NAV3: variants seen among roughly 807,000 people sequenced by gnomAD.
The protein encoded by NAV3 is neuron navigator 3.
A neutral mutation model predicts 244.7 loss-of-function variants in NAV3; 87 were observed. The ratio of observed to expected loss-of-function variants is 0.36; its 90% CI spans 0.30 to 0.42. The LOEUF (loss-of-function observed/expected upper bound fraction) is 0.42, where lower values mean the gene tolerates loss of function less well. Ranked by LOEUF, NAV3 falls within the 20% of genes least tolerant of loss-of-function variation. The pLI, the probability that NAV3 is intolerant of heterozygous loss-of-function variation, is 1.00. For missense variants in NAV3, 2,663 were observed against 2,893.3 expected, an observed-to-expected ratio of 0.92 and a Z score of 1.83; for synonymous variants, 1,126 against 1,042.2, an observed-to-expected ratio of 1.08 and a Z score of -1.55.
intron 2 of NAV3, among the ~76,000 whole-genome samples, chr12:77,633,319 C>T (rs915166835): frequency 2.0e-5 from 3 of 152,070 alleles, no homozygotes; most frequent in Non-Finnish European, 2.9e-5. Flanking sequence ...CTCTTAAACA[C>T]TTAGTGTTTT....
At chr12:78,205,654 A>G (rs927748356) in intron 39 of NAV3, among the ~76,000 whole-genome samples, 3 of 152,062 alleles carry the variant, frequency 2.0e-5, no homozygotes, top group Non-Finnish European at 2.9e-5. Flanking sequence ...TTTCTAAAAT[A>G]GTGGAATAAT....
intron 12 of NAV3, among the ~76,000 whole-genome samples, chr12:78,114,981 T>C (rs1229670146): frequency 6.6e-6 from 1 of 152,196 alleles, no homozygotes; most frequent in East Asian, 1.9e-4. Context: ...TTAATTTTCT[T>C]TATTTCTGAT....
chr12:77,855,052 A>G (rs1337228563), intron 1 of NAV3, among the ~76,000 whole-genome samples: 2 of 152,112 alleles, frequency 1.3e-5, no homozygotes, highest in Non-Finnish European at 2.9e-5. Context: ...GCCTGAACCC[A>G]GGAGGCGGAG....
At chr12:77,782,690 A>G (rs1025476428) in intron 2 of NAV3, among the ~76,000 whole-genome samples, 1 of 152,048 alleles carries the variant, frequency 6.6e-6, no homozygotes, top group Admixed American at 6.6e-5. Context: ...TCATAGCTGT[A>G]TCTTTTCCAA....
At chr12:77,691,955 A>T (rs1210757795) in intron 2 of NAV3, among the ~76,000 whole-genome samples, 1 of 151,946 alleles carries the variant, frequency 6.6e-6, no homozygotes, top group Non-Finnish European at 1.5e-5. Flanking sequence ...AAAAGGAGAG[A>T]ATATTTAAAG....
chr12:77,581,203 G>T (rs570937562), intron 2 of NAV3, among the ~76,000 whole-genome samples: 77 of 152,208 alleles, frequency 5.1e-4, no homozygotes, highest in African/African-American at 1.9e-3. Context: ...ACCAATTTTA[G>T]GACTCCATCC....
rs532401077 is a variant in NAV3, at chr12:78,157,228, A to G, written c.4786-1975A>G. 9.9e-5 allele frequency among the ~76,000 whole-genome samples: 15 copies of G among 152,022 alleles called. No individual in the cohort carries two copies. The East Asian group carries it at 2.7e-3, about 28-fold the overall frequency. On this transcript the variant is annotated intron_variant, in intron 22 of 39. Coordinates refer to ENST00000397909, the MANE Select transcript of NAV3 (RefSeq NM_001024383.2). ...CTGTTTTCATTTTGTTCACTTTTAT[A>G]TATGTGTGGATTTTTCCACAGTTGA... is the stretch of plus-strand genomic sequence containing the variant.
At position 78,122,403 on chromosome 12, in the gene NAV3, A is replaced by G; in HGVS notation, c.4213A>G (p.Ser1405Gly). ...CCAGAGCCTGCTCATGAGAACGGGT[A>G]GTGTGAGATCTACTCTCTCAGAAAG... ...EVQSLLMRTGSVRSTLSESMQ... is the reference protein window; with the variant it reads ...EVQSLLMRTGGVRSTLSESMQ... The change falls in exon 16 of 40, where the codon AGT (serine) becomes GGT (glycine). Residue 1405 changes from serine to glycine, a missense_variant. Ser to Gly is a moderately conservative substitution (Grantham distance 56). This residue lies in a region of NAV3 where 354 missense variants were observed against 413.0 expected (regional missense o/e 0.86). Coordinates refer to ENST00000397909, the MANE Select transcript of NAV3 (RefSeq NM_001024383.2). The G allele has an allele frequency of 1.2e-6, 2 of 1,608,148 alleles. No individual in the cohort carries two copies. The highest frequency in any genetic ancestry group is 1.7e-6 in the Non-Finnish European group (2 of 1,177,888).
chr12:77,723,760 T>TTTTG (rs1876748919), intron 2 of NAV3, among the ~76,000 whole-genome samples: 2 of 144,576 alleles, frequency 1.4e-5, no homozygotes, highest in Non-Finnish European at 3.1e-5. Context: ...CTTGACTTTT[T>TTTTG]TTTTTTTTTT....
At chr12:78,014,060 C>T (rs765654497) in intron 8 of NAV3, among the ~76,000 whole-genome samples, 6 of 151,872 alleles carry the variant, frequency 4.0e-5, no homozygotes, top group Non-Finnish European at 1.5e-5. Context: ...GTGTTAATTA[C>T]ATCACAACTA....
chr12:78,054,508 A>G (rs1012486883), intron 11 of NAV3, among the ~76,000 whole-genome samples: 2 of 152,194 alleles, frequency 1.3e-5, no homozygotes, highest in African/African-American at 4.8e-5. Flanking sequence ...TTTGAAGGCC[A>G]CTTTATGGGA....
chr12:78,175,792 G>T (rs1335874413), intron 25 of NAV3, among the ~76,000 whole-genome samples: 1 of 127,544 alleles, frequency 7.8e-6, no homozygotes, highest in Non-Finnish European at 1.7e-5. Flanking sequence ...TAACTATAGA[G>T]TTATACTAAA....
Position 77,848,233 on chromosome 12 carries a change from C to T in NAV3, c.243+16529C>T, listed in dbSNP as rs572380418. 2.4e-4 allele frequency among the ~76,000 whole-genome samples: 37 copies of T among 152,098 alleles called. No individual in the cohort carries two copies. In the East Asian group the frequency reaches 6.8e-3, roughly 28 times the overall value. ...AGTCAAGGTGTGGATCTTTCAGTTT[C>T]CACTAGAAAACAACACTTGGATTTC... On this transcript the variant is annotated intron_variant, in intron 1 of 39. Coordinates refer to ENST00000397909, the MANE Select transcript of NAV3 (RefSeq NM_001024383.2).
chr12:77,970,537 T>C (rs1271397877), intron 5 of NAV3, among the ~76,000 whole-genome samples: 2 of 152,184 alleles, frequency 1.3e-5, no homozygotes, highest in African/African-American at 4.8e-5. Flanking sequence ...TTTAAAAAGC[T>C]ATAGTTTTAC....
At chr12:78,134,529 A>G (rs2138967625) in intron 18 of NAV3, among the ~76,000 whole-genome samples, 1 of 152,346 alleles carries the variant, frequency 6.6e-6, no homozygotes, top group East Asian at 1.9e-4. Context: ...AAAACAATAT[A>G]ATAAACTCAC....
chr12:78,043,109 G>A (rs754231969), intron 9 of NAV3, among the ~76,000 whole-genome samples: 14 of 151,322 alleles, frequency 9.3e-5, no homozygotes, highest in Middle Eastern at 3.4e-3. Context: ...AACAGGCCCC[G>A]GTGTGTGATG....
intron 1 of NAV3, among the ~76,000 whole-genome samples, chr12:77,893,191 A>G (rs1376469700): frequency 6.6e-6 from 1 of 152,206 alleles, no homozygotes; most frequent in Non-Finnish European, 1.5e-5. Flanking sequence ...AAAGAAGGAA[A>G]ATTTGAATTT....
At chr12:77,930,065 A>G (rs1888634322) in intron 1 of NAV3, among the ~76,000 whole-genome samples, 1 of 152,118 alleles carries the variant, frequency 6.6e-6, no homozygotes, top group African/African-American at 2.4e-5. Flanking sequence ...GCTCCTCTCC[A>G]ACAAAAAGAA....
Position 78,127,141 on chromosome 12 carries a change from C to T in NAV3, c.4239-26C>T, listed in dbSNP as rs1423402568. 3.1e-6 allele frequency: 5 copies of T among 1,611,934 alleles called. No homozygotes were observed. In the East Asian group the frequency reaches 6.7e-5, roughly 22 times the overall value. ...TTGGAAGTTTTGTTTACATTATGTC[C>T]TTAGGGGTTTTCTTTGTTTTAACAG... On this transcript the variant is annotated intron_variant, in intron 16 of 39. Coordinates refer to ENST00000397909, the MANE Select transcript of NAV3 (RefSeq NM_001024383.2).
Sources: gnomAD v4.1 joint callset for allele counts (sites outside exome capture counted in the v4.1 genomes callset) on GRCh38, gnomAD v4.1.1 for gene constraint, gnomAD v4.1.1 regional missense constraint, MANE v1.5 for transcripts, NCBI Gene and HGNC (gene_info 2026-07-23, HGNC 2026-07-21) for gene names.